The following COL8A2 variants were observed in gnomAD, a reference collection of about 807,000 sequenced individuals.
COL8A2 encodes collagen alpha-2(VIII) chain.
Under a neutral mutation model 24.0 loss-of-function variants are expected in COL8A2, and 16 were observed. The ratio of observed to expected loss-of-function variants is 0.67; its 90% CI spans 0.45 to 1.01. COL8A2 has a LOEUF of 1.01. COL8A2 is among the 50% of genes least tolerant of loss of function. COL8A2 has a pLI of 0.00. For missense variants in COL8A2, 818 were observed against 942.4 expected, an observed-to-expected ratio of 0.87 and a Z score of 1.73; for synonymous variants, 466 against 424.5, an observed-to-expected ratio of 1.10 and a Z score of -1.20.
At chr1:36,119,517 A>G (rs1360070269) in intron 1 of COL8A2, among the ~76,000 whole-genome samples, 1 of 152,186 alleles carries the variant, frequency 6.6e-6, no homozygotes, top group Admixed American at 6.5e-5. Flanking sequence ...CAGGGGTTCC[A>G]ACCCCAATCC....
chr1:36,120,535 G>A (rs1458418266), intron 1 of COL8A2, among the ~76,000 whole-genome samples: 69 of 151,624 alleles, frequency 4.6e-4, no homozygotes, highest in Admixed American at 1.2e-3. Flanking sequence ...AGATCACAAG[G>A]TCAGGAGTTC....
intron 1 of COL8A2, among the ~76,000 whole-genome samples, chr1:36,120,824 A>C (rs568169574): frequency 4.0e-5 from 6 of 150,816 alleles, no homozygotes; most frequent in African/African-American, 1.5e-4. Context: ...CATGGTGGCT[A>C]ACACCTATAA....
intron 2 of COL8A2, among the ~76,000 whole-genome samples, chr1:36,105,311 C>T (rs1273776899): frequency 2.0e-5 from 3 of 152,228 alleles, no homozygotes; most frequent in African/African-American, 7.2e-5. Context: ...ACATCTGTCC[C>T]TGTGTGCCAA....
chr1:36,098,354 C>T lies in COL8A2; in HGVS notation c.1327G>A (p.Ala443Thr), dbSNP rs769226465. The stretch of plus-strand genomic sequence containing the variant: ...CCCAAGTCACCTTTCTGCCCCAGGG[C>T]TCCTGCCACCCCTGGTCCTCCAGGG... Reference protein sequence around the residue: ...GRPGGPGVAGALGQKGDLGLP... With the variant: ...GRPGGPGVAGTLGQKGDLGLP... Residue 443 changes from alanine (A) to threonine (T), a missense_variant, in exon 4 of 4, where the codon GCC becomes ACC. By Grantham distance (58) the Ala-to-Thr change is moderately conservative (BLOSUM62 0). Around this residue, in one of 3 missense-constraint regions of COL8A2, gnomAD observed 573 missense variants for 616.8 expected, o/e 0.93. Coordinates refer to ENST00000397799, the MANE Select transcript of COL8A2 (RefSeq NM_005202.4). 18 of 1,551,428 alleles carry T rather than the reference C, an allele frequency of 1.2e-5. No homozygotes were observed. Among genetic ancestry groups the T allele is most frequent in the South Asian group, 9.5e-5 (8 of 84,218 alleles).
At chr1:36,101,753 T>C (rs1241537436) in intron 2 of COL8A2, among the ~76,000 whole-genome samples, 1 of 152,180 alleles carries the variant, frequency 6.6e-6, no homozygotes, top group Non-Finnish European at 1.5e-5. Context: ...TGAAAATGAA[T>C]GAAGTACAGG....
At chr1:36,122,037 C>A (rs1643918298) in intron 1 of COL8A2, among the ~76,000 whole-genome samples, 1 of 152,218 alleles carries the variant, frequency 6.6e-6, no homozygotes, top group South Asian at 2.1e-4. Context: ...GATAGTCAGC[C>A]TCCAATTCAG....
At chr1:36,105,940 CTG>C (rs2124087533) in intron 2 of COL8A2, among the ~76,000 whole-genome samples, 1 of 121,172 alleles carries the variant, frequency 8.3e-6, no homozygotes, top group African/African-American at 3.2e-5. Flanking sequence ...CAGCAAGATC[CTG>C]TCTCACTTAA....
intron 1 of COL8A2, among the ~76,000 whole-genome samples, chr1:36,120,585 T>C (rs1012168668): frequency 6.6e-6 from 1 of 151,582 alleles, no homozygotes; most frequent in African/African-American, 2.4e-5. Flanking sequence ...CCATCTCTAC[T>C]AAAAATATAA....
rs1191034856 is a variant in COL8A2, at chr1:36,095,568, A to T, written c.*2001T>A. ...AGTGGACACCTGCAACTCAAATCCC[A>T]TAAACATTTTAGAAACGCCAACCAC... is the stretch of plus-strand genomic sequence containing the variant. On this transcript the variant is annotated 3_prime_UTR_variant, in exon 4 of 4. Coordinates refer to ENST00000397799, the MANE Select transcript of COL8A2 (RefSeq NM_005202.4). 7 of 152,234 alleles carry T rather than the reference A, an allele frequency of 4.6e-5. No homozygotes were observed. Among genetic ancestry groups the T allele is most frequent in the Non-Finnish European group, 7.3e-5 (5 of 68,042 alleles). 9.4% of individuals were successfully genotyped at this position (152,234 alleles called of 1,614,324 possible).
At position 36,097,655 on chromosome 1, in the gene COL8A2, G is replaced by C; in HGVS notation, c.2026C>G (p.Gln676Glu). The change falls in exon 4 of 4, where the codon CAG becomes GAG. Residue 676 changes from glutamine (Q) to glutamate (E), a missense_variant. Gln to Glu is a conservative substitution (Grantham distance 29). Coordinates refer to ENST00000397799, the MANE Select transcript of COL8A2 (RefSeq NM_005202.4). ...QLRPNDQVWV[Q>E]MPSDQANGLY... is the part of the protein sequence containing the mutation. ...CCGTTGGCCTGGTCCGACGGCATCT[G>C]CACCCAGACCTGGTCGTTGGGCCGC... 1 of 1,613,652 alleles carries C rather than the reference G, an allele frequency of 6.2e-7. No individual in the cohort carries two copies. The highest frequency in any genetic ancestry group is 8.5e-7 in the Non-Finnish European group (1 of 1,180,012).
In COL8A2 at chr1:36,098,349, C is replaced by T; in HGVS notation, c.1332G>A (p.Leu444=). The change falls in exon 4 of 4, where the codon CTG becomes CTA. Residue 444 remains leucine (L), a synonymous_variant. Transcript: ENST00000397799. ...GGAGCCCCAAGTCACCTTTCTGCCC[C>T]AGGGCTCCTGCCACCCCTGGTCCTC... ...RPGGPGVAGA[L]GQKGDLGLPG... The T allele has an allele frequency of 6.4e-7, 1 of 1,551,278 alleles. No individual in the cohort carries two copies. The highest frequency in any genetic ancestry group is 8.7e-7 in the Non-Finnish European group (1 of 1,147,948).
Position 36,097,761 on chromosome 1 carries a change from G to C in COL8A2, c.1920C>G (p.Asn640Lys). ...CGTAGGTATAGGTGGCCGGCACGTT[G>C]TTCTTGTACAGGGCCACCCACACGT... Reference protein sequence around the residue: ...GTNVWVALYKNNVPATYTYDE... With the variant: ...GTNVWVALYKKNVPATYTYDE... Residue 640 changes from asparagine (N) to lysine (K), a missense_variant, in exon 4 of 4, where the codon AAC becomes AAG. Around this residue, in one of 3 missense-constraint regions of COL8A2, gnomAD observed 235 missense variants for 297.3 expected, o/e 0.79. Transcript: ENST00000397799. 6.2e-7 allele frequency: 1 copy of C among 1,613,858 alleles called. No homozygotes were observed. The highest frequency in any genetic ancestry group is 8.5e-7 in the Non-Finnish European group (1 of 1,180,016).
At position 36,115,718 on chromosome 1, in the gene COL8A2, G is replaced by A. The variant is rs1474640053; in HGVS notation, c.-27C>T. The A allele has an allele frequency of 4.0e-5, 39 of 985,388 alleles. No individual in the cohort carries two copies. Among genetic ancestry groups the A allele is most frequent in the African/African-American group, 7.0e-5 (4 of 57,188 alleles). 61.0% of individuals were successfully genotyped at this position (985,388 alleles called of 1,614,324 possible). A position where few individuals can be genotyped will look rare whatever the true frequency, so the allele number is the denominator to read the frequency against. ...CCAAACCTAGCTTACCTTTCAGGTC[G>A]GAGGGGCCTGGGAAGGTTCCAGCAG... is the stretch of plus-strand genomic sequence containing the variant. On this transcript the variant is annotated 5_prime_UTR_variant, in exon 2 of 4. Coordinates refer to ENST00000397799, the MANE Select transcript of COL8A2 (RefSeq NM_005202.4). The surrounding 1 kb of genome is among the most constrained non-coding windows in gnomAD (Gnocchi z 5.7).
At chr1:36,102,667 TTTTG>T (rs1458232302) in intron 2 of COL8A2, among the ~76,000 whole-genome samples, 3 of 124,634 alleles carry the variant, frequency 2.4e-5, no homozygotes, top group Admixed American at 1.7e-4. Context: ...AAAGCTGGTT[TTTTG>T]TTTTTTTTTT....
intron 2 of COL8A2, among the ~76,000 whole-genome samples, chr1:36,104,536 G>C (rs772918676): frequency 1.4e-5 from 2 of 148,058 alleles, no homozygotes; most frequent in East Asian, 4.0e-4. Flanking sequence ...GGCTGGACGC[G>C]GTGGCTCACA....
At chr1:36,102,537 A>C (rs1459869114) in intron 2 of COL8A2, among the ~76,000 whole-genome samples, 3 of 152,142 alleles carry the variant, frequency 2.0e-5, no homozygotes, top group Non-Finnish European at 4.4e-5. Context: ...CTTTTAGGGA[A>C]GATGAAAATG....
chr1:36,111,856 C>A (rs761092678), intron 2 of COL8A2, among the ~76,000 whole-genome samples: 142 of 152,234 alleles, frequency 9.3e-4, no homozygotes, highest in Non-Finnish European at 1.4e-3. Flanking sequence ...CCGAGCATGT[C>A]CCCTGGCTGT....
chr1:36,098,701 C>G lies in COL8A2; in HGVS notation c.980G>C (p.Arg327Thr). ...GAGTCCTGGGACCCCAGCTGGGCCC[C>G]TGTCCCCCTTGGGGCCTGGCAGTCC... ...MPGLPGPKGD[R>T]GPAGVPGLLG... The change falls in exon 4 of 4, where the codon AGG (arginine) becomes ACG (threonine). Residue 327 changes from arginine (R) to threonine (T), a missense_variant. By Grantham distance (71) the Arg-to-Thr change is moderately conservative. Coordinates refer to ENST00000397799, the MANE Select transcript of COL8A2 (RefSeq NM_005202.4). 7 of 1,609,570 alleles carry G rather than the reference C, an allele frequency of 4.3e-6. No homozygotes were observed. Among genetic ancestry groups the G allele is most frequent in the Non-Finnish European group, 5.9e-6 (7 of 1,178,684 alleles).
In COL8A2 at chr1:36,097,493, G is replaced by A. The variant is rs1570021552; in HGVS notation, c.*76C>T. 1 of 1,230,888 alleles carries A rather than the reference G, an allele frequency of 8.1e-7. No homozygotes were observed. Among genetic ancestry groups the A allele is most frequent in the Non-Finnish European group, 1.1e-6 (1 of 872,922 alleles). 76.2% of individuals were successfully genotyped at this position (1,230,888 alleles called of 1,614,324 possible). On this transcript the variant is annotated 3_prime_UTR_variant, in exon 4 of 4. Coordinates refer to ENST00000397799, the MANE Select transcript of COL8A2 (RefSeq NM_005202.4). ...GTTCAGCTTTTGTTTTTTTTTCCAGGAGGTTCTTTGTAATTGAAAAGGTCG... is the reference window on the plus strand; with the variant it reads ...GTTCAGCTTTTGTTTTTTTTTCCAGAAGGTTCTTTGTAATTGAAAAGGTCG...
Sources: gnomAD v4.1 joint callset for allele counts (sites outside exome capture counted in the v4.1 genomes callset) on GRCh38, gnomAD v4.1.1 for gene constraint, gnomAD v4.1.1 regional missense constraint, Gnocchi (gnomAD v3.1) non-coding constraint, MANE v1.5 for transcripts, NCBI Gene and HGNC (gene_info 2026-07-23, HGNC 2026-07-21) for gene names.